Variants in MTFR1 observed in about 807,000 individuals in gnomAD.
The protein encoded by MTFR1 is chondrocyte protein with a poly-proline region.
A neutral mutation model predicts 38.8 loss-of-function variants in MTFR1; 28 were observed. The ratio of observed to expected loss-of-function variants is 0.72; its 90% confidence interval spans 0.53 to 0.99. The LOEUF (loss-of-function observed/expected upper bound fraction) is 0.99. MTFR1 is among the 50% of genes least tolerant of loss of function. The pLI is 0.00. For synonymous variants in MTFR1, 145 were observed against 137.0 expected (o/e 1.06, Z -0.41); for missense variants, 358 against 395.5 (o/e 0.91, Z 0.81).
At chr8:65,759,803 G>A (rs1808407724) in intron 3 of MTFR1, among the ~76,000 whole-genome samples, 1 of 152,080 alleles carries the variant, frequency 6.6e-6, no homozygotes, top group Non-Finnish European at 1.5e-5. Context: ...AAGGTTGCAT[G>A]TGAGAGCTTA....
At chr8:65,758,897 A>G (rs1056099828) in intron 3 of MTFR1, among the ~76,000 whole-genome samples, 31 of 152,162 alleles carry the variant, frequency 2.0e-4, no homozygotes, top group African/African-American at 7.0e-4. Context: ...CTTGCCAGCT[A>G]TGTTCAGGGC....
intron 3 of MTFR1, among the ~76,000 whole-genome samples, chr8:65,731,992 G>A (rs904277260): frequency 3.3e-5 from 5 of 151,232 alleles, no homozygotes; most frequent in African/African-American, 9.7e-5. Context: ...TATTATTGTT[G>A]TTGTTGTTGT....
chr8:65,686,364 G>T (rs951173576), intron 3 of MTFR1, among the ~76,000 whole-genome samples: 14 of 152,018 alleles, frequency 9.2e-5, no homozygotes, highest in Non-Finnish European at 2.1e-4. Context: ...CTGAGGTCAG[G>T]AGTTCAAGAC....
At chr8:65,715,067 CAA>C (rs1052846793), downstream of MTFR1, among the ~76,000 whole-genome samples, 11 of 152,226 alleles carry the variant, frequency 7.2e-5, no homozygotes, top group Middle Eastern at 6.8e-3. Context: ...AATGTTGAGC[CAA>C]GAGGCCCAAA....
intron 4 of MTFR1, among the ~76,000 whole-genome samples, chr8:65,703,569 G>C (rs1022185189): frequency 6.6e-6 from 1 of 151,468 alleles, no homozygotes; most frequent in East Asian, 1.9e-4. Flanking sequence ...AAGTAGCTGG[G>C]ATTACAGGTG....
intron 2 of MTFR1, among the ~76,000 whole-genome samples, chr8:65,673,652 C>A (rs566440785): frequency 6.6e-6 from 1 of 151,646 alleles, no homozygotes; most frequent in Admixed American, 6.6e-5. Context: ...ACCTGTAATC[C>A]CAGCACTTTG....
intron 1 of MTFR1, among the ~76,000 whole-genome samples, chr8:65,656,151 A>C (rs535224299): frequency 3.3e-4 from 49 of 150,374 alleles, no homozygotes; most frequent in African/African-American, 1.1e-3. Flanking sequence ...AGCCGAGATC[A>C]CATCATTTTT....
chr8:65,743,110 T>C (rs1292334072), intron 3 of MTFR1, among the ~76,000 whole-genome samples: 1 of 151,930 alleles, frequency 6.6e-6, no homozygotes, highest in East Asian at 1.9e-4. Context: ...AGTAGACTAA[T>C]AATAGGCTAT....
intron 1 of MTFR1, among the ~76,000 whole-genome samples, chr8:65,660,150 G>A (rs1489955253): frequency 2.0e-5 from 3 of 152,042 alleles, no homozygotes; most frequent in Non-Finnish European, 4.4e-5. Context: ...AATTAGCCAG[G>A]CATGGTGGTA....
chr8:65,705,333 A>T (rs1031993172), intron 5 of MTFR1, among the ~76,000 whole-genome samples: 3 of 152,050 alleles, frequency 2.0e-5, no homozygotes, highest in Non-Finnish European at 2.9e-5. Context: ...AAAACTAAAC[A>T]AAAAACAAAC....
chr8:65,751,106 GA>G (rs1278239787), intron 3 of MTFR1, among the ~76,000 whole-genome samples: 1 of 152,174 alleles, frequency 6.6e-6, no homozygotes, highest in Non-Finnish European at 1.5e-5. Context: ...ATCATTCAAG[GA>G]AAAGTGTTTT....
At chr8:65,711,337 G>A (rs1302824094), downstream of MTFR1, among the ~76,000 whole-genome samples, 1 of 152,082 alleles carries the variant, frequency 6.6e-6, no homozygotes, top group East Asian at 1.9e-4. Context: ...CTGGTGAAGA[G>A]GAATACACGT....
intron 3 of MTFR1, chr8:65,726,822 C>A (rs1806632159): frequency 2.2e-6 from 2 of 921,478 alleles, no homozygotes; most frequent in East Asian, 4.9e-5. Context: ...ATTACTTTGC[C>A]AACTTAACTT....
At chr8:65,747,227 C>G (rs1374779838) in intron 3 of MTFR1, among the ~76,000 whole-genome samples, 1 of 152,136 alleles carries the variant, frequency 6.6e-6, no homozygotes, top group Non-Finnish European at 1.5e-5. Flanking sequence ...AGAGACCTAA[C>G]TTTCTGTGCT....
At chr8:65,763,281 A>C (rs1372142689) in intron 3 of MTFR1, among the ~76,000 whole-genome samples, 1 of 152,144 alleles carries the variant, frequency 6.6e-6, no homozygotes, top group Non-Finnish European at 1.5e-5. Context: ...ACCCTATAAA[A>C]AGGTTACATA....
At chr8:65,669,569 TG>T (rs979807450) in intron 1 of MTFR1, among the ~76,000 whole-genome samples, 1 of 152,038 alleles carries the variant, frequency 6.6e-6, no homozygotes, top group African/African-American at 2.4e-5. Context: ...TTTTTTTTTT[TG>T]AGACAGAGTC....
At chr8:65,687,195 C>T (rs1163369306) in intron 3 of MTFR1, among the ~76,000 whole-genome samples, 1 of 152,038 alleles carries the variant, frequency 6.6e-6, no homozygotes, top group Non-Finnish European at 1.5e-5. Context: ...CTATAGTTAA[C>T]AGCAATGTAT....
intron 1 of MTFR1, among the ~76,000 whole-genome samples, chr8:65,651,104 T>C (rs1270107080): frequency 1.3e-5 from 2 of 152,258 alleles, no homozygotes; most frequent in Non-Finnish European, 2.9e-5. Context: ...TTTTGAGAAA[T>C]GTCCATTCAG....
chr8:65,774,763 T>G (rs764923468), downstream of MTFR1, among the ~76,000 whole-genome samples: 1 of 152,000 alleles, frequency 6.6e-6, no homozygotes, highest in Non-Finnish European at 1.5e-5. Context: ...TAAATAACAT[T>G]TTTATTAAAA....
Sources: gnomAD v4.1 joint callset for allele counts (sites outside exome capture counted in the v4.1 genomes callset) on GRCh38, gnomAD v4.1.1 for gene constraint, MANE v1.5 for transcripts, NCBI Gene and HGNC (gene_info 2026-07-23, HGNC 2026-07-21) for gene names.